Variants in DPYD observed in about 807,000 individuals in gnomAD.
The protein encoded by DPYD is dihydropyrimidine dehydrogenase, also known as dihydropyrimidine dehydrogenase [NADP(+)].
DPYD carries 109 observed loss-of-function variants against 116.2 expected under a neutral mutation model. The ratio of observed to expected loss-of-function variants is 0.94; its 90% confidence interval spans 0.80 to 1.10. The LOEUF (loss-of-function observed/expected upper bound fraction) is 1.10. DPYD is among the 50% of genes least tolerant of loss of function. The pLI, the probability that DPYD is intolerant of heterozygous loss-of-function variation, is 0.00. For missense variants in DPYD, 1,302 were observed against 1,254.5 expected (o/e 1.04, Z -0.57); for synonymous variants, 440 against 432.0 (o/e 1.02, Z -0.23).
At chr1:97,508,448 C>T (rs537297159) in intron 13 of DPYD, among the ~76,000 whole-genome samples, 1 of 152,088 alleles carries the variant, frequency 6.6e-6, no homozygotes, top group South Asian at 2.1e-4. Context: ...AGCAGATTCA[C>T]AGAAGCTGTT....
At chr1:97,407,002 T>C (rs976725007) in intron 14 of DPYD, among the ~76,000 whole-genome samples, 1 of 152,180 alleles carries the variant, frequency 6.6e-6, no homozygotes, top group African/African-American at 2.4e-5. Context: ...AATAGAGCTT[T>C]TCAATGGCAC....
intron 10 of DPYD, among the ~76,000 whole-genome samples, chr1:97,574,404 G>A (rs559615868): frequency 2.0e-5 from 3 of 152,108 alleles, no homozygotes; most frequent in Non-Finnish European, 2.9e-5. Flanking sequence ...TAAAGTGGGT[G>A]AGCCAATCTG....
chr1:97,173,249 C>CATATATGCACACACATGTACAT (rs1656894617), intron 20 of DPYD, among the ~76,000 whole-genome samples: 2 of 116,740 alleles, frequency 1.7e-5, no homozygotes, highest in Admixed American at 2.0e-4. Context: ...CATATATGTA[C>CATATATGCACACACATGTACAT]ATATATGCAC....
chr1:97,370,530 C>G (rs1432639532), intron 16 of DPYD, among the ~76,000 whole-genome samples: 1 of 152,102 alleles, frequency 6.6e-6, no homozygotes, highest in African/African-American at 2.4e-5. Flanking sequence ...GACATATATA[C>G]CTATGTAACA....
intron 20 of DPYD, among the ~76,000 whole-genome samples, chr1:97,185,728 T>C (rs1343087291): frequency 1.1e-4 from 17 of 152,178 alleles, no homozygotes; most frequent in Admixed American, 1.1e-3. Flanking sequence ...ACATATTCTG[T>C]AGAATTCCAT....
chr1:97,391,859 C>A (rs1672722444), intron 14 of DPYD, among the ~76,000 whole-genome samples: 1 of 152,014 alleles, frequency 6.6e-6, no homozygotes, highest in Admixed American at 6.6e-5. Context: ...GCTTTGCTTT[C>A]TGAGTGTAAT....
intron 20 of DPYD, among the ~76,000 whole-genome samples, chr1:97,158,188 T>A (rs1655625659): frequency 6.6e-6 from 1 of 152,078 alleles, no homozygotes. Context: ...TCCCCAGGGC[T>A]TTTTGTGCTT....
intron 1 of DPYD, 151 bp from the exon 2 acceptor site, chr1:97,883,525 C>T: frequency 3.1e-6 from 2 of 654,432 alleles, no homozygotes; most frequent in South Asian, 3.9e-5. Flanking sequence ...CAGTTCACTG[C>T]AACCTCTGCC....
chr1:97,251,598 G>C (rs920675849), intron 18 of DPYD, among the ~76,000 whole-genome samples: 8 of 151,964 alleles, frequency 5.3e-5, no homozygotes, highest in Middle Eastern at 3.4e-3. Flanking sequence ...ATTTTCTTGA[G>C]AGCAATGCTT....
intron 16 of DPYD, among the ~76,000 whole-genome samples, chr1:97,326,029 A>G (rs1570530683): frequency 6.6e-6 from 1 of 151,684 alleles, no homozygotes; most frequent in South Asian, 2.1e-4. Context: ...GGGTGAGAGT[A>G]TAAGAGTCCA....
chr1:97,434,946 T>C (rs1570729002), intron 14 of DPYD, among the ~76,000 whole-genome samples: 1 of 152,084 alleles, frequency 6.6e-6, no homozygotes. Context: ...TGTGAGGTTA[T>C]TGTGAAATCG....
chr1:97,434,610 T>C (rs199703299), intron 14 of DPYD, among the ~76,000 whole-genome samples: 2 of 152,174 alleles, frequency 1.3e-5, no homozygotes, highest in East Asian at 3.9e-4. Context: ...GCTGATTACC[T>C]TTCCCATTTC....
chr1:97,104,468 T>C (rs1461770111), intron 20 of DPYD, among the ~76,000 whole-genome samples: 1 of 152,064 alleles, frequency 6.6e-6, no homozygotes, highest in Non-Finnish European at 1.5e-5. Flanking sequence ...AAAGAGACTA[T>C]ATTAATAACA....
At position 97,289,199 on chromosome 1, in the gene DPYD, C is replaced by T. The variant is rs1041502781; in HGVS notation, c.2299+16060G>A. 6.6e-5 allele frequency among the ~76,000 whole-genome samples: 10 copies of T among 151,980 alleles called. No homozygotes were observed. The South Asian group carries it at 1.5e-3, about 22-fold the overall frequency. ...CTGAAATTGTGGCAATAATCAATAG[C>T]TTACCAACCAAAAAGAGTCCAGGAC... On this transcript the variant is annotated intron_variant, in intron 18 of 22. Transcript: ENST00000370192.
chr1:97,894,165 A>C (rs1672930542), intron 1 of DPYD, among the ~76,000 whole-genome samples: 2 of 151,778 alleles, frequency 1.3e-5, no homozygotes, highest in East Asian at 2.0e-4. Flanking sequence ...CTTCTGACTC[A>C]CTCACAGCCA....
At chr1:97,338,181 A>T (rs1468860276) in intron 16 of DPYD, among the ~76,000 whole-genome samples, 1 of 152,198 alleles carries the variant, frequency 6.6e-6, no homozygotes, top group African/African-American at 2.4e-5. Flanking sequence ...GGAAAATTAG[A>T]TTCATTAGAG....
At chr1:97,092,576 A>G (rs1256545952) in intron 21 of DPYD, among the ~76,000 whole-genome samples, 1 of 152,148 alleles carries the variant, frequency 6.6e-6, no homozygotes, top group East Asian at 1.9e-4. Flanking sequence ...TATTAGGTTA[A>G]GTAAGAAATA....
chr1:97,428,641 C>A (rs1675005104), intron 14 of DPYD, among the ~76,000 whole-genome samples: 1 of 152,010 alleles, frequency 6.6e-6, no homozygotes, highest in Non-Finnish European at 1.5e-5. Flanking sequence ...ACAACAACCA[C>A]TAAAAGCAAA....
chr1:97,573,624 C>T, intron 11 of DPYD, 136 bp downstream of exon 11: 1 of 1,024,586 alleles, frequency 9.8e-7, no homozygotes, highest in Non-Finnish European at 1.5e-6. Flanking sequence ...CCTTTTGAAT[C>T]AAGATTGCTT....
Sources: gnomAD v4.1 joint callset for allele counts (sites outside exome capture counted in the v4.1 genomes callset) on GRCh38, gnomAD v4.1.1 for gene constraint, MANE v1.5 for transcripts, NCBI Gene and HGNC (gene_info 2026-07-23, HGNC 2026-07-21) for gene names.